Variants in TSGA10 observed in about 807,000 individuals in gnomAD.
TSGA10 encodes the protein testis-specific gene 10 protein.
Under a neutral mutation model 96.6 loss-of-function variants are expected in TSGA10, and 43 were observed. The ratio of observed to expected loss-of-function variants is 0.44; its 90% CI spans 0.35 to 0.57. The LOEUF is 0.57. Among genes scored for constraint, TSGA10 ranks in the 20% least tolerant of loss-of-function variants. The pLI is 0.01. For synonymous variants in TSGA10, 229 were observed against 269.9 expected (o/e 0.85, Z 1.48); for missense variants, 703 against 834.4 (o/e 0.84, Z 1.94).
At chr2:99,127,821 C>T (rs777805172) in intron 1 of TSGA10, among the ~76,000 whole-genome samples, 1 of 152,082 alleles carries the variant, frequency 6.6e-6, no homozygotes, top group Non-Finnish European at 1.5e-5. Context: ...TTATGGAGAA[C>T]AATGGTATAA....
chr2:99,145,136 A>C (rs1055077360), intron 1 of TSGA10, among the ~76,000 whole-genome samples: 2 of 152,132 alleles, frequency 1.3e-5, no homozygotes, highest in Non-Finnish European at 2.9e-5. Context: ...TTGCCTTTCC[A>C]GCTTCTACTG....
chr2:99,140,358 T>C (rs1419865945), intron 1 of TSGA10, among the ~76,000 whole-genome samples: 1 of 152,154 alleles, frequency 6.6e-6, no homozygotes, highest in Non-Finnish European at 1.5e-5. Flanking sequence ...CAAAGTATAC[T>C]TGAAATGCTG....
At chr2:99,023,546 T>C (rs2080241360) in intron 17 of TSGA10, among the ~76,000 whole-genome samples, 1 of 152,236 alleles carries the variant, frequency 6.6e-6, no homozygotes, top group African/African-American at 2.4e-5. Context: ...GGCTGTTACA[T>C]ATAGCCCTAT....
chr2:99,070,092 C>G (rs1013097579), intron 14 of TSGA10, among the ~76,000 whole-genome samples: 2 of 152,120 alleles, frequency 1.3e-5, no homozygotes, highest in Non-Finnish European at 2.9e-5. Context: ...GAAGAAAAAA[C>G]TACTTTTGAG....
At chr2:99,131,256 G>C (rs1263139382) in intron 1 of TSGA10, among the ~76,000 whole-genome samples, 1 of 152,198 alleles carries the variant, frequency 6.6e-6, no homozygotes, top group Non-Finnish European at 1.5e-5. Context: ...TGATCCATGA[G>C]CATGGAATGT....
intron 20 of TSGA10, among the ~76,000 whole-genome samples, chr2:99,006,623 A>G (rs1202780568): frequency 6.6e-6 from 1 of 152,234 alleles, no homozygotes. Context: ...TATAATGGCG[A>G]TCATTAAAGA....
rs151306723 is a variant in TSGA10, at chr2:99,047,099, A to C, written c.1405-11660T>G. 9.6e-3 allele frequency among the ~76,000 whole-genome samples: 1,466 copies of C among 152,298 alleles called. 14 individuals are homozygous for C. Among genetic ancestry groups the C allele is most frequent in the African/African-American group, 0.033 (1,390 of 41,566 alleles). ...ATAATTAATAGCTTACCAATCAAAA[A>C]AAGTCCAGGACCAGACGGATTCATA... On this transcript the variant is annotated intron_variant, in intron 16 of 20. Transcript: ENST00000393483.
chr2:99,007,783 A>T (rs1280885130), intron 20 of TSGA10, among the ~76,000 whole-genome samples: 2 of 152,226 alleles, frequency 1.3e-5, no homozygotes, highest in Non-Finnish European at 2.9e-5. Flanking sequence ...CAAGTGCTAC[A>T]GATCAGGGCC....
intron 10 of TSGA10, among the ~76,000 whole-genome samples, chr2:99,098,823 A>G (rs898206140): frequency 6.6e-6 from 1 of 152,220 alleles, no homozygotes; most frequent in Admixed American, 6.5e-5. Context: ...TAAGAAGGAA[A>G]TTCTAATTAT....
intron 20 of TSGA10, among the ~76,000 whole-genome samples, chr2:99,017,335 C>A (rs939363893): frequency 6.6e-6 from 1 of 152,108 alleles, no homozygotes; most frequent in Non-Finnish European, 1.5e-5. Context: ...TAAAAAGGAA[C>A]GAAATAATGG....
intron 2 of TSGA10, among the ~76,000 whole-genome samples, chr2:99,124,430 T>A (rs1279379168): frequency 6.6e-6 from 1 of 152,180 alleles, no homozygotes; most frequent in African/African-American, 2.4e-5. Context: ...GACTAAGTTT[T>A]TGGAGTAGTT....
At chr2:99,050,406 A>C (rs2083279729) in intron 16 of TSGA10, among the ~76,000 whole-genome samples, 1 of 152,196 alleles carries the variant, frequency 6.6e-6, no homozygotes, top group Admixed American at 6.5e-5. Context: ...TGAAAAGCGC[A>C]ACTAGTAAGT....
Position 98,998,007 on chromosome 2 carries a change from T to C in TSGA10, c.*190A>G. ...CATGGATAGAAAGAGCCATATACAT[T>C]TTTGTTTTTATAAGTCATCTCAGAT... is the stretch of plus-strand genomic sequence containing the variant. On this transcript the variant is annotated 3_prime_UTR_variant, in exon 21 of 21. Coordinates refer to ENST00000393483, the MANE Select transcript of TSGA10 (RefSeq NM_025244.4). 1.9e-6 allele frequency: 1 copy of C among 534,772 alleles called. No homozygotes were observed. The highest frequency in any genetic ancestry group is 3.4e-5 in the South Asian group (1 of 29,474). 33.1% of individuals were successfully genotyped at this position (534,772 alleles called of 1,614,324 possible).
Position 98,997,793 on chromosome 2 carries a change from A to C in TSGA10, c.*404T>G, listed in dbSNP as rs2077581173. On this transcript the variant is annotated 3_prime_UTR_variant, in exon 21 of 21. Coordinates refer to ENST00000393483, the MANE Select transcript of TSGA10 (RefSeq NM_025244.4). ...GTACCCATTTTGGCACAGATTTTCC[A>C]GCCATGAAAACACAAATCACAAAGA... The C allele has an allele frequency of 6.4e-6, 1 of 155,678 alleles. No individual in the cohort carries two copies. The highest frequency in any genetic ancestry group is 6.5e-5 in the Admixed American group (1 of 15,360). 9.6% of individuals were successfully genotyped at this position (155,678 alleles called of 1,614,324 possible). A position where few individuals can be genotyped will look rare whatever the true frequency, so the allele number is the denominator to read the frequency against.
intron 20 of TSGA10, among the ~76,000 whole-genome samples, chr2:99,001,091 G>A (rs764693610): frequency 1.1e-4 from 16 of 152,188 alleles, no homozygotes; most frequent in Non-Finnish European, 1.8e-4. Context: ...AGACTTAAAC[G>A]TCCCTGTCTG....
intron 13 of TSGA10, 94 bp from the exon 14 acceptor site, chr2:99,071,968 A>C: frequency 4.4e-6 from 5 of 1,127,692 alleles, no homozygotes; most frequent in Non-Finnish European, 5.1e-6. Context: ...GTTAGTATGA[A>C]AACATTTGAA....
chr2:99,105,816 T>C lies in TSGA10; in HGVS notation c.211-119A>G, dbSNP rs577975691. The C allele has an allele frequency of 1.3e-5, 8 of 596,374 alleles. No homozygotes were observed. In the Admixed American group the frequency reaches 2.1e-4, roughly 16 times the overall value. The allele number at this position is 596,374 out of a possible 1,614,324, so 36.9% of individuals were successfully genotyped here. On this transcript the variant is annotated intron_variant, in intron 7 of 20. Coordinates refer to ENST00000393483, the MANE Select transcript of TSGA10 (RefSeq NM_025244.4). The stretch of plus-strand genomic sequence containing the variant: ...CATCAACATGCATGCAGCAGGGTAA[T>C]GGTATCGCTTTTATTTTAAAATAAG...
intron 16 of TSGA10, 66 bp downstream of exon 16, chr2:99,064,873 A>G: frequency 7.4e-7 from 1 of 1,350,468 alleles, no homozygotes; most frequent in Non-Finnish European, 1.0e-6. Flanking sequence ...TAATTTATGG[A>G]AGGCCAAACA....
At chr2:99,124,153 A>G (rs903582468) in intron 2 of TSGA10, among the ~76,000 whole-genome samples, 2 of 152,246 alleles carry the variant, frequency 1.3e-5, no homozygotes, top group Admixed American at 1.3e-4. Context: ...TTTCCATTAT[A>G]ACAACCACCC....
Sources: gnomAD v4.1 joint callset for allele counts (sites outside exome capture counted in the v4.1 genomes callset) on GRCh38, gnomAD v4.1.1 for gene constraint, MANE v1.5 for transcripts, NCBI Gene and HGNC (gene_info 2026-07-23, HGNC 2026-07-21) for gene names.